C13orf42: variants seen among roughly 807,000 people sequenced by gnomAD.
C13orf42 encodes uncharacterized protein C13orf42.
At chr13:51,137,376 C>T (rs1953665469) in intron 1 of C13orf42, among the ~76,000 whole-genome samples, 1 of 152,232 alleles carries the variant, frequency 6.6e-6, no homozygotes, top group South Asian at 2.1e-4. Flanking sequence ...CAGTCTGCAT[C>T]TGTCTGTGGG....
At chr13:51,088,835 T>C (rs1425128268) in intron 1 of C13orf42, among the ~76,000 whole-genome samples, 1 of 152,216 alleles carries the variant, frequency 6.6e-6, no homozygotes, top group Non-Finnish European at 1.5e-5. Context: ...CAAGAATCTA[T>C]TCAGTAGCTT....
intron 1 of C13orf42, among the ~76,000 whole-genome samples, chr13:51,162,963 C>A (rs1277058914): frequency 6.6e-6 from 1 of 152,206 alleles, no homozygotes; most frequent in African/African-American, 2.4e-5. Flanking sequence ...TCCTCACGAA[C>A]AGCTTAAGTA....
At chr13:51,086,316 A>AC (rs1953125095) in intron 2 of C13orf42, among the ~76,000 whole-genome samples, 1 of 135,724 alleles carries the variant, frequency 7.4e-6, no homozygotes, top group African/African-American at 2.8e-5. Context: ...AAAAAAAAAA[A>AC]CAAAAAAAAA....
chr13:51,123,086 C>G (rs1438194503), intron 1 of C13orf42, among the ~76,000 whole-genome samples: 1 of 152,176 alleles, frequency 6.6e-6, no homozygotes, highest in Non-Finnish European at 1.5e-5. Flanking sequence ...TAAGCCAAAA[C>G]CACACGTGGT....
At chr13:51,088,682 C>A (rs1953154152) in intron 1 of C13orf42, among the ~76,000 whole-genome samples, 1 of 151,914 alleles carries the variant, frequency 6.6e-6, no homozygotes, top group African/African-American at 2.4e-5. Context: ...CTACTATGTA[C>A]CCACAAAAAT....
chr13:51,087,557 C>T (rs558089637), intron 2 of C13orf42, among the ~76,000 whole-genome samples: 2 of 152,250 alleles, frequency 1.3e-5, no homozygotes, highest in East Asian at 1.9e-4. Flanking sequence ...CTTTAAATGA[C>T]ACCCCTCATC....
rs1193074721 is a variant in C13orf42, at chr13:51,161,075, C to T, written n.136+11178G>A. On this transcript the variant is annotated intron_variant and non_coding_transcript_variant, in intron 1 of 4. Coordinates refer to the C13orf42 transcript ENST00000433280. ...GAGTTCCACACTGCTGTGGAATCTT[C>T]AGGACTTTTTTCTTTTTTTTTTTCC... 4.6e-5 allele frequency among the ~76,000 whole-genome samples: 6 copies of T among 129,146 alleles called. 1 individual carries two copies. The highest frequency in any genetic ancestry group is 1.6e-4 in the African/African-American group (6 of 38,466). The allele number at this position is 129,146 out of a possible 152,430, so 84.7% of individuals were successfully genotyped here. A position where few individuals can be genotyped will look rare whatever the true frequency, so the allele number is the denominator to read the frequency against.
At chr13:51,156,352 T>C (rs181076206) in intron 1 of C13orf42, among the ~76,000 whole-genome samples, 126 of 152,358 alleles carry the variant, frequency 8.3e-4, no homozygotes, top group African/African-American at 2.9e-3. Flanking sequence ...AAGTGCATAC[T>C]GTGTTCTAAG....
rs1172880481 is a variant in C13orf42, at chr13:51,110,843, TG to T, written c.366del (p.Lys123ArgfsTer15). The T allele has an allele frequency of 1.0e-5, 4 of 398,656 alleles. No individual in the cohort carries two copies. The highest frequency in any genetic ancestry group is 1.3e-5 in the Non-Finnish European group (3 of 226,068). 24.7% of individuals were successfully genotyped at this position (398,656 alleles called of 1,614,324 possible). On this transcript the variant is annotated frameshift_variant, in exon 1 of 4. Transcript: ENST00000563710. LOFTEE classifies it high-confidence loss of function. ...CGGACAGGAGTCTTTTTCCCTCCCTTGGAGGATTTGGAGGAGGTTGAGGAAA... is the reference window on the plus strand; with the variant it reads ...CGGACAGGAGTCTTTTTCCCTCCCTTGAGGATTTGGAGGAGGTTGAGGAAA... ...QGISSTSSKS[S>X]KGGKKTPVRS... is the part of the protein sequence containing the mutation.
intron 1 of C13orf42, among the ~76,000 whole-genome samples, chr13:51,133,253 G>A (rs959310889): frequency 4.6e-5 from 7 of 152,148 alleles, no homozygotes; most frequent in African/African-American, 1.7e-4. Flanking sequence ...CCCCTTTCCA[G>A]TAACACCTAG....
intron 1 of C13orf42, among the ~76,000 whole-genome samples, chr13:51,117,274 G>C (rs1953499243): frequency 6.6e-6 from 1 of 152,150 alleles, no homozygotes; most frequent in African/African-American, 2.4e-5. Context: ...ATTCAGCAAA[G>C]ACTAATAGCA....
upstream of C13orf42, among the ~76,000 whole-genome samples, chr13:51,113,913 T>C (rs752574740): frequency 1.3e-5 from 2 of 152,244 alleles, no homozygotes; most frequent in Non-Finnish European, 2.9e-5. Context: ...TGCTTCTCAC[T>C]GGGCTCAGAC....
intron 1 of C13orf42, among the ~76,000 whole-genome samples, chr13:51,117,764 T>C (rs895555324): frequency 7.3e-4 from 111 of 152,296 alleles, no homozygotes; most frequent in African/African-American, 2.6e-3. Context: ...TTGGCTTCCA[T>C]AACTGAAATA....
rs571381482 is a variant in C13orf42, at chr13:51,143,934, G to A, written n.136+28319C>T. 1.3e-3 allele frequency among the ~76,000 whole-genome samples: 193 copies of A among 152,232 alleles called. 2 individuals are homozygous for A. The highest frequency in any genetic ancestry group is 4.5e-3 in the African/African-American group (187 of 41,554). On this transcript the variant is annotated intron_variant and non_coding_transcript_variant, in intron 1 of 4. Transcript: ENST00000433280. ...TGTTCCAAAATTATGGGAAACTCCT[G>A]TAATTCTGATATAACTTAGTGTACA... is the stretch of plus-strand genomic sequence containing the variant.
At chr13:51,090,763 C>T (rs1953173405) in intron 1 of C13orf42, among the ~76,000 whole-genome samples, 1 of 152,134 alleles carries the variant, frequency 6.6e-6, no homozygotes, top group Non-Finnish European at 1.5e-5. Flanking sequence ...GGTGTCTTAG[C>T]TATTAAAGGC....
At chr13:51,146,986 C>G (rs79001689) in intron 1 of C13orf42, among the ~76,000 whole-genome samples, 1 of 152,312 alleles carries the variant, frequency 6.6e-6, no homozygotes, top group African/African-American at 2.4e-5. Flanking sequence ...TCAAAGCTCA[C>G]AGTACTTCCC....
intron 1 of C13orf42, among the ~76,000 whole-genome samples, chr13:51,102,934 G>A (rs1299312579): frequency 6.6e-6 from 1 of 152,164 alleles, no homozygotes; most frequent in African/African-American, 2.4e-5. Context: ...CTGATCCCAT[G>A]AGAACTCCCT....
chr13:51,120,798 G>T (rs1424765428), intron 1 of C13orf42, among the ~76,000 whole-genome samples: 1 of 152,172 alleles, frequency 6.6e-6, no homozygotes, highest in Non-Finnish European at 1.5e-5. Context: ...TGCATCACTT[G>T]AGGTCAGGGG....
upstream of C13orf42, among the ~76,000 whole-genome samples, chr13:51,111,650 T>C (rs185608397): frequency 1.2e-3 from 179 of 152,302 alleles, no homozygotes; most frequent in Middle Eastern, 0.027. Context: ...TGTGAATTTT[T>C]ACCTTTCCAC....
Sources: gnomAD v4.1 joint callset for allele counts (sites outside exome capture counted in the v4.1 genomes callset) on GRCh38, gnomAD v4.1.1 for gene constraint, MANE v1.5 for transcripts, NCBI Gene and HGNC (gene_info 2026-07-23, HGNC 2026-07-21) for gene names.